The following RXFP1 variants were observed in gnomAD, a reference collection of about 807,000 sequenced individuals.
The protein encoded by RXFP1 is relaxin family peptide receptor 1, also known as relaxin receptor 1.
Under a neutral mutation model 89.8 loss-of-function variants are expected in RXFP1, and 73 were observed. The ratio of observed to expected loss-of-function variants is 0.81; its 90% CI spans 0.67 to 0.99. The LOEUF (loss-of-function observed/expected upper bound fraction) is 0.99. Ranked by LOEUF, RXFP1 falls within the 50% of genes least tolerant of loss-of-function variation. The pLI, the probability that RXFP1 is intolerant of heterozygous loss-of-function variation, is 0.00. For synonymous variants in RXFP1, 277 were observed against 305.5 expected, an observed-to-expected ratio of 0.91 and a Z score of 0.97; for missense variants, 793 against 895.5, an observed-to-expected ratio of 0.89 and a Z score of 1.46.
chr4:158,579,479 T>C (rs560616181), intron 2 of RXFP1, among the ~76,000 whole-genome samples: 1 of 152,324 alleles, frequency 6.6e-6, no homozygotes, highest in Admixed American at 6.5e-5. Context: ...TTGGCGAGGA[T>C]GGTCTCGATC....
At chr4:158,533,989 TTC>T (rs1393615503) in intron 1 of RXFP1, among the ~76,000 whole-genome samples, 2 of 152,168 alleles carry the variant, frequency 1.3e-5, no homozygotes, top group Non-Finnish European at 2.9e-5. Flanking sequence ...CTCCCACAAA[TTC>T]TTTCTGATGC....
chr4:158,646,329 C>T (rs1246317785), intron 15 of RXFP1: 3 of 474,832 alleles, frequency 6.3e-6, no homozygotes, highest in Non-Finnish European at 4.1e-6. Flanking sequence ...ATTATTCTAT[C>T]ATAGGAACTT....
At chr4:158,563,029 T>G (rs1021444387) in intron 1 of RXFP1, among the ~76,000 whole-genome samples, 2 of 152,190 alleles carry the variant, frequency 1.3e-5, no homozygotes, top group Non-Finnish European at 2.9e-5. Flanking sequence ...AGATAAAGTT[T>G]GTGATGATGT....
At chr4:158,645,188 G>T in intron 15 of RXFP1, 50 bp downstream of exon 15, 1 of 1,381,678 alleles carries the variant, frequency 7.2e-7, no homozygotes, top group South Asian at 1.2e-5. Flanking sequence ...ATATACAAAA[G>T]CTTTATTATT....
At chr4:158,576,288 C>A (rs1001286137) in intron 2 of RXFP1, among the ~76,000 whole-genome samples, 4 of 152,032 alleles carry the variant, frequency 2.6e-5, no homozygotes, top group African/African-American at 9.7e-5. Context: ...TGGCCAGGCC[C>A]AGTGACTCAC....
At chr4:158,622,814 TA>T (rs1437283336) in intron 9 of RXFP1, among the ~76,000 whole-genome samples, 1 of 152,178 alleles carries the variant, frequency 6.6e-6, no homozygotes, top group Non-Finnish European at 1.5e-5. Context: ...AATAACACTG[TA>T]TTGTATAGTG....
At chr4:158,572,966 T>C in intron 2 of RXFP1, 131 bp downstream of exon 2, 1 of 1,311,508 alleles carries the variant, frequency 7.6e-7, no homozygotes, top group African/African-American at 1.5e-5. Flanking sequence ...TAAGGAAATC[T>C]TACACTTATT....
intron 9 of RXFP1, among the ~76,000 whole-genome samples, chr4:158,624,716 C>G (rs1211600726): frequency 6.6e-6 from 1 of 152,016 alleles, no homozygotes; most frequent in Admixed American, 6.5e-5. Context: ...CAAACCAGAT[C>G]CCTGCTTATC....
chr4:158,629,616 C>A (rs1767627451), intron 11 of RXFP1, among the ~76,000 whole-genome samples: 1 of 148,736 alleles, frequency 6.7e-6, no homozygotes, highest in African/African-American at 2.5e-5. Flanking sequence ...CAATTTTTTT[C>A]TTTTCATTTT....
intron 2 of RXFP1, among the ~76,000 whole-genome samples, chr4:158,573,464 A>G (rs1224327439): frequency 1.3e-5 from 2 of 152,088 alleles, no homozygotes; most frequent in Non-Finnish European, 2.9e-5. Flanking sequence ...ACACAAATTC[A>G]TAAGGATTTT....
At chr4:158,596,501 CCACCCGCCT>C (rs1760639614) in intron 3 of RXFP1, among the ~76,000 whole-genome samples, 1 of 152,038 alleles carries the variant, frequency 6.6e-6, no homozygotes, top group Non-Finnish European at 1.5e-5. Flanking sequence ...CTCAGGTGAT[CCACCCGCCT>C]CAGCCTCCCG....
intron 1 of RXFP1, among the ~76,000 whole-genome samples, chr4:158,525,358 C>T (rs1230910986): frequency 6.6e-6 from 1 of 151,988 alleles, no homozygotes; most frequent in Non-Finnish European, 1.5e-5. Context: ...AACTTCTCAC[C>T]ACCTTATATT....
chr4:158,538,674 G>A (rs1009614896), intron 1 of RXFP1, among the ~76,000 whole-genome samples: 29 of 152,044 alleles, frequency 1.9e-4, no homozygotes, highest in African/African-American at 6.3e-4. Flanking sequence ...TTAGCTGGGC[G>A]TCCTGGCACA....
chr4:158,586,452 C>T (rs560890217), intron 2 of RXFP1, among the ~76,000 whole-genome samples: 89 of 152,248 alleles, frequency 5.8e-4, no homozygotes, highest in Middle Eastern at 3.4e-3. Flanking sequence ...CCAATATTCT[C>T]TTCTGTGCGG....
At chr4:158,556,453 C>T (rs546523505) in intron 1 of RXFP1, among the ~76,000 whole-genome samples, 68 of 152,228 alleles carry the variant, frequency 4.5e-4, no homozygotes, top group African/African-American at 1.6e-3. Context: ...AATGGGAACC[C>T]TTACACACTG....
intron 1 of RXFP1, among the ~76,000 whole-genome samples, chr4:158,555,415 G>T (rs1037308856): frequency 6.6e-6 from 1 of 152,152 alleles, no homozygotes; most frequent in Non-Finnish European, 1.5e-5. Context: ...CTTACTGTAT[G>T]AAAAGGGTGC....
intron 2 of RXFP1, among the ~76,000 whole-genome samples, chr4:158,588,301 A>G (rs959735609): frequency 6.6e-6 from 1 of 152,190 alleles, no homozygotes; most frequent in Admixed American, 6.5e-5. Context: ...CCGTACTTTA[A>G]TCCAATGATT....
intron 1 of RXFP1, chr4:158,543,748 T>A (rs1747449413): frequency 1.0e-6 from 1 of 973,186 alleles, no homozygotes; most frequent in South Asian, 4.7e-5. Context: ...ACTTTCAAAC[T>A]TTTTTATTAA....
In RXFP1 at chr4:158,563,530, ACACACACC is replaced by A. The variant is rs1305885108; in HGVS notation, c.50-9166_50-9159del. On this transcript the variant is annotated intron_variant, in intron 1 of 17. Transcript: ENST00000307765. ...CACACACACACACACACACACACAC[ACACACACC>A]CCAACAGGAATACTGAAATAAATCT... is the stretch of plus-strand genomic sequence containing the variant. Among the ~76,000 whole-genome samples, 5 of 148,482 alleles carry A rather than the reference ACACACACC, an allele frequency of 3.4e-5. No individual in the cohort carries two copies. In the Admixed American group the frequency reaches 3.4e-4, roughly 10 times the overall value.
Sources: allele counts gnomAD v4.1 joint callset (sites outside exome capture counted in the v4.1 genomes callset), GRCh38; gene constraint gnomAD v4.1.1; transcripts MANE v1.5; gene names NCBI Gene and HGNC (gene_info 2026-07-23, HGNC 2026-07-21).